Variants in KDM5B observed in about 807,000 individuals in gnomAD.
The protein encoded by KDM5B is lysine demethylase 5B.
Under a neutral mutation model 193.4 loss-of-function variants are expected in KDM5B, and 144 were observed. That is an observed-to-expected ratio of 0.74 (90% CI 0.65 to 0.86). The LOEUF is 0.86. Among genes scored for constraint, KDM5B ranks in the 40% least tolerant of loss-of-function variants. KDM5B has a pLI of 0.00. For synonymous variants in KDM5B, 668 were observed against 682.6 expected (o/e 0.98, Z 0.33); for missense variants, 1,833 against 1,886.9 (o/e 0.97, Z 0.53).
At chr1:202,800,115 C>T (rs891738377) in intron 1 of KDM5B, among the ~76,000 whole-genome samples, 1 of 152,148 alleles carries the variant, frequency 6.6e-6, no homozygotes, top group Non-Finnish European at 1.5e-5. Context: ...GCGATATCGG[C>T]TCACTGCAAT....
chr1:202,768,233 A>C (rs1455274403), intron 4 of KDM5B, among the ~76,000 whole-genome samples: 1 of 152,236 alleles, frequency 6.6e-6, no homozygotes, highest in African/African-American at 2.4e-5. Context: ...TGCCAATATA[A>C]CATTAACACG....
Position 202,752,950 on chromosome 1 carries a change from A to G in KDM5B, c.1656T>C (p.Leu552=). 6.2e-7 allele frequency: 1 copy of G among 1,614,192 alleles called. No homozygotes were observed. Among genetic ancestry groups the G allele is most frequent in the Non-Finnish European group, 8.5e-7 (1 of 1,180,024 alleles). Residue 552 remains leucine, a synonymous_variant, in exon 12 of 27, where the codon CTT becomes CTC. Coordinates refer to ENST00000367265, the MANE Select transcript of KDM5B (RefSeq NM_006618.5). The part of the protein sequence containing the change: ...FVSQPDLLHQ[L]VTIMNPNTLM... ...GGGTATTGGGGTTCATGATGGTCAC[A>G]AGCTGATGGAGGAGATCCGGCTGGG...
chr1:202,790,281 A>AATGAATGG (rs1553362312), intron 1 of KDM5B, among the ~76,000 whole-genome samples: 12 of 151,184 alleles, frequency 7.9e-5, no homozygotes, highest in Non-Finnish European at 1.3e-4. Flanking sequence ...TGAATGAATG[A>AATGAATGG]ATGGATGGAT....
chr1:202,804,803 AG>A (rs1177243855), intron 1 of KDM5B, among the ~76,000 whole-genome samples: 1 of 148,966 alleles, frequency 6.7e-6, no homozygotes, highest in East Asian at 2.0e-4. Flanking sequence ...TGAGGTCGGG[AG>A]GCAGAGGTTG....
intron 4 of KDM5B, chr1:202,767,317 C>T: frequency 1.2e-6 from 2 of 1,608,954 alleles, no homozygotes; most frequent in Non-Finnish European, 1.7e-6. Flanking sequence ...TAGTAACGAC[C>T]ACTTGTTTTC....
chr1:202,793,681 A>G (rs562753771), intron 1 of KDM5B, among the ~76,000 whole-genome samples: 1 of 152,280 alleles, frequency 6.6e-6, no homozygotes, highest in Admixed American at 6.5e-5. Flanking sequence ...TGAAGTTTTC[A>G]TTTCCTAGCT....
In KDM5B at chr1:202,741,596, G is replaced by A. The variant is rs771578909; in HGVS notation, c.2716C>T (p.Gln906Ter). 1.2e-6 allele frequency: 2 copies of A among 1,614,256 alleles called. No homozygotes were observed. The highest frequency in any genetic ancestry group is 1.7e-6 in the Non-Finnish European group (2 of 1,180,044). Residue 906 changes from glutamine (Q) to a stop codon, truncating the protein, a stop_gained, in exon 19 of 27, where the codon CAG becomes TAG. Transcript: ENST00000367265. LOFTEE classifies it high-confidence loss of function. ...AAACGGATACGCATCTCAGCAAGCT[G>A]TGGAAGTTCAACATCAAATTCAAAG... ...VSFEFDVELP[Q>*]LAEMRIRLEQ...
chr1:202,764,133 T>G lies in KDM5B; in HGVS notation c.724A>C (p.Lys242Gln). ...KRMRAEAMNI[K>Q]IEPEETTEAR... ...TCCGTTGTCTCCTCGGGTTCTATTT[T>G]AATATTCATGGCCTTAAAAAAATTG... is the stretch of plus-strand genomic sequence containing the variant. The change falls in exon 6 of 27, where the codon AAA becomes CAA. Residue 242 changes from lysine (K) to glutamine (Q), a missense_variant. Lys to Gln is a moderately conservative substitution (Grantham distance 53). This residue lies in a region of KDM5B where 355 missense variants were observed against 374.9 expected (regional missense o/e 0.95). Coordinates refer to ENST00000367265, the MANE Select transcript of KDM5B (RefSeq NM_006618.5). 1 of 1,545,308 alleles carries G rather than the reference T, an allele frequency of 6.5e-7. No individual in the cohort carries two copies. Among genetic ancestry groups the G allele is most frequent in the Non-Finnish European group, 8.8e-7 (1 of 1,139,550 alleles).
rs1327225139 is a variant in KDM5B at position 202,808,213 on chromosome 1, C to T, written c.93G>A (p.Glu31=). ...CCCAGCTGGGTTCGAAGACCGGGCACTCGGGTGGAGGCAGGAACTCGCCCA... is the reference window on the plus strand; with the variant it reads ...CCCAGCTGGGTTCGAAGACCGGGCATTCGGGTGGAGGCAGGAACTCGCCCA... The part of the protein sequence containing the change: ...GPLGEFLPPP[E]CPVFEPSWEE... Residue 31 remains glutamate (E), a synonymous_variant, in exon 1 of 27, where the codon GAG becomes GAA. Transcript: ENST00000367265. The T allele has an allele frequency of 3.1e-6, 5 of 1,612,692 alleles. No homozygotes were observed. Among genetic ancestry groups the T allele is most frequent in the African/African-American group, 1.3e-5 (1 of 74,890 alleles).
intron 8 of KDM5B, among the ~76,000 whole-genome samples, chr1:202,759,318 C>T (rs1398935357): frequency 1.3e-5 from 2 of 152,076 alleles, no homozygotes; most frequent in African/African-American, 4.8e-5. Flanking sequence ...GCAGGAGGAT[C>T]ACCTGAGCTC....
chr1:202,766,886 C>T, intron 5 of KDM5B, 40 bp downstream of exon 5: 1 of 1,546,396 alleles, frequency 6.5e-7, no homozygotes, highest in East Asian at 2.3e-5. Flanking sequence ...GGTATTAGGG[C>T]TTGAGAATTC....
chr1:202,729,499 G>A, intron 26 of KDM5B: 1 of 600,790 alleles, frequency 1.7e-6, no homozygotes, highest in Non-Finnish European at 2.9e-6. Context: ...AAAGGAAAAA[G>A]GGAAGAACAA....
intron 4 of KDM5B, among the ~76,000 whole-genome samples, chr1:202,769,120 TCCA>T (rs1467377487): frequency 6.7e-6 from 1 of 148,252 alleles, no homozygotes; most frequent in African/African-American, 2.5e-5. Context: ...CACTGCAAGC[TCCA>T]CCTCCTGGGT....
At chr1:202,748,877 A>T in intron 14 of KDM5B, 68 bp downstream of exon 14, 2 of 1,273,634 alleles carry the variant, frequency 1.6e-6, no homozygotes, top group East Asian at 2.3e-5. Flanking sequence ...AAATGATATT[A>T]AAGTGCGTAA....
Position 202,777,055 on chromosome 1 carries a change from G to A in KDM5B, c.244C>T (p.His82Tyr). Residue 82 changes from histidine (H) to tyrosine (Y), a missense_variant, in exon 2 of 27, where the codon CAT (histidine) becomes TAT (tyrosine). This residue lies in a region of KDM5B where 355 missense variants were observed against 374.9 expected (regional missense o/e 0.95). Transcript: ENST00000367265. ...AGTCTCTGGATACGTGGCGTAAAAT[G>A]AAGTTTATCAACATCACATGCAAAT... ...PPFACDVDKL[H>Y]FTPRIQRLNE... The A allele has an allele frequency of 6.2e-7, 1 of 1,613,620 alleles. No homozygotes were observed. The highest frequency in any genetic ancestry group is 8.5e-7 in the Non-Finnish European group (1 of 1,179,614).
At chr1:202,739,872 T>C (rs1572711644) in intron 20 of KDM5B, among the ~76,000 whole-genome samples, 2 of 152,334 alleles carry the variant, frequency 1.3e-5, no homozygotes, top group African/African-American at 2.4e-5. Flanking sequence ...CCATGTCTAC[T>C]TCTTTCTACA....
intron 4 of KDM5B, among the ~76,000 whole-genome samples, chr1:202,772,633 C>T (rs1047351497): frequency 1.3e-5 from 2 of 151,982 alleles, no homozygotes; most frequent in Non-Finnish European, 2.9e-5. Context: ...AAACAAACTT[C>T]TAAGTATAGC....
intron 1 of KDM5B, among the ~76,000 whole-genome samples, chr1:202,781,734 T>C (rs1234953159): frequency 6.6e-6 from 1 of 152,210 alleles, no homozygotes; most frequent in Non-Finnish European, 1.5e-5. Flanking sequence ...CAGAAATGAA[T>C]TGATCTGGGT....
At chr1:202,759,371 C>G (rs927314099) in intron 8 of KDM5B, among the ~76,000 whole-genome samples, 2 of 151,872 alleles carry the variant, frequency 1.3e-5, no homozygotes, top group African/African-American at 4.8e-5. Context: ...AAAACCCTGT[C>G]TCTACTAAAA....
Sources: gnomAD v4.1 joint callset for allele counts (sites outside exome capture counted in the v4.1 genomes callset) on GRCh38, gnomAD v4.1.1 for gene constraint, gnomAD v4.1.1 regional missense constraint, MANE v1.5 for transcripts, NCBI Gene and HGNC (gene_info 2026-07-23, HGNC 2026-07-21) for gene names.